Variants in NEK4 observed in about 807,000 individuals in gnomAD.
NEK4 encodes NIMA related kinase 4.
NEK4 carries 86 observed loss-of-function variants against 98.4 expected under a neutral mutation model. That is an observed-to-expected ratio of 0.87 (90% CI 0.73 to 1.05). The LOEUF (loss-of-function observed/expected upper bound fraction) is 1.05, where lower values mean the gene tolerates loss of function less well. NEK4 is among the 50% of genes least tolerant of loss of function. NEK4 has a pLI of 0.00. For synonymous variants in NEK4, 328 were observed against 342.2 expected, an observed-to-expected ratio of 0.96 and a Z score of 0.46; for missense variants, 898 against 950.3, an observed-to-expected ratio of 0.94 and a Z score of 0.72.
chr3:52,720,108 C>T (rs1048507704), intron 15 of NEK4, among the ~76,000 whole-genome samples: 1 of 152,030 alleles, frequency 6.6e-6, no homozygotes, highest in Non-Finnish European at 1.5e-5. Flanking sequence ...CATGGTGAAC[C>T]CCCGTCTCTA....
At chr3:52,740,497 CAG>C in intron 13 of NEK4, among the ~76,000 whole-genome samples, 1 of 152,082 alleles carries the variant, frequency 6.6e-6, no homozygotes, top group Non-Finnish European at 1.5e-5. Context: ...AAATGTGAAA[CAG>C]AAAAAAAGTA....
At chr3:52,711,914 A>G (rs772526343) in intron 15 of NEK4, 45 bp from the exon 16 acceptor site, 7 of 1,091,886 alleles carry the variant, frequency 6.4e-6, no homozygotes, top group Middle Eastern at 2.0e-4. Context: ...GTAGTAGGAA[A>G]AAATATTTCT....
chr3:52,743,471 CA>C lies in NEK4; in HGVS notation c.1895-11del. ...TTCCTCACTGAAGGGCCTGAAAAGG[CA>C]AACATCCCCAGTAGTTGTTTGTGGT... On this transcript the variant is annotated splice_polypyrimidine_tract_variant and intron_variant, in intron 11 of 15. Transcript: ENST00000233027. 1 of 1,605,378 alleles carries C rather than the reference CA, an allele frequency of 6.2e-7. No homozygotes were observed. The highest frequency in any genetic ancestry group is 8.5e-7 in the Non-Finnish European group (1 of 1,172,196).
At chr3:52,767,907 AAAAT>A (rs1358532734) in intron 2 of NEK4, among the ~76,000 whole-genome samples, 2 of 152,218 alleles carry the variant, frequency 1.3e-5, no homozygotes, top group African/African-American at 4.8e-5. Flanking sequence ...CCAATTCTAA[AAAAT>A]AAAAAAAAGA....
intron 12 of NEK4, among the ~76,000 whole-genome samples, chr3:52,742,734 G>A (rs1302582093): frequency 1.3e-5 from 2 of 152,162 alleles, no homozygotes; most frequent in Admixed American, 1.3e-4. Context: ...ACAGCAGATT[G>A]AGCAAAGTGC....
At position 52,735,794 on chromosome 3, in the gene NEK4, A is replaced by G. The variant is rs527347068; in HGVS notation, c.2433+1792T>C. Among the ~76,000 whole-genome samples the G allele has an allele frequency of 5.9e-5, 9 of 152,388 alleles. No homozygotes were observed. In the South Asian group the frequency reaches 1.7e-3, roughly 28 times the overall value. On this transcript the variant is annotated intron_variant, in intron 15 of 15. Transcript: ENST00000233027. ...AGGTGTGCCAATAAAAAGAATTTAC[A>G]TGATAAGTTAACAAGGATCAGGAAA...
At chr3:52,743,716 A>G (rs1412229010) in intron 11 of NEK4, among the ~76,000 whole-genome samples, 1 of 152,236 alleles carries the variant, frequency 6.6e-6, no homozygotes, top group Non-Finnish European at 1.5e-5. Flanking sequence ...ATAATGCTGC[A>G]TATTTTGGCA....
Position 52,737,606 on chromosome 3 carries a change from C to T in NEK4, c.2413G>A (p.Glu805Lys). ...CTCACCTCTCTATCAAATTCATCCT[C>T]CTCCTCCAAAAGATCATACACCTGC... Reference protein sequence around the residue: ...LEQVYDLLEEEDEFDREVRLR... With the variant: ...LEQVYDLLEEKDEFDREVRLR... Residue 805 changes from glutamate (E) to lysine (K), a missense_variant, in exon 15 of 16, where the codon GAG (glutamate) becomes AAG (lysine). Transcript: ENST00000233027. 1 of 1,613,974 alleles carries T rather than the reference C, an allele frequency of 6.2e-7. No individual in the cohort carries two copies. The highest frequency in any genetic ancestry group is 1.7e-4 in the Middle Eastern group (1 of 6,060).
At chr3:52,725,254 G>C (rs916263079) in intron 15 of NEK4, among the ~76,000 whole-genome samples, 4 of 152,214 alleles carry the variant, frequency 2.6e-5, no homozygotes, top group African/African-American at 9.7e-5. Flanking sequence ...GCTCACGCCT[G>C]TAATCCCAGC....
chr3:52,760,896 A>T lies in NEK4; in HGVS notation c.862T>A (p.Ser288Thr). ...GAAACCACTGTAGCAAAAGGCTTGG[A>T]TTGAGAGTCACCATTTTTAATGTTA... ...KNNIKNGDSQ[S>T]KPFATVVSGE... The change falls in exon 6 of 16, where the codon TCC (serine) becomes ACC (threonine). Residue 288 changes from serine (S) to threonine (T), a missense_variant. Coordinates refer to ENST00000233027, the MANE Select transcript of NEK4 (RefSeq NM_003157.6). The T allele has an allele frequency of 2.5e-6, 4 of 1,594,702 alleles. No individual in the cohort carries two copies. Among genetic ancestry groups the T allele is most frequent in the Non-Finnish European group, 3.4e-6 (4 of 1,170,820 alleles).
At chr3:52,737,543 T>G in intron 15 of NEK4, 43 bp downstream of exon 15, 2 of 1,603,330 alleles carry the variant, frequency 1.2e-6, no homozygotes, top group Non-Finnish European at 1.7e-6. Flanking sequence ...GTTTAAAAAA[T>G]TCTATAACAT....
intron 15 of NEK4, among the ~76,000 whole-genome samples, chr3:52,728,755 T>A (rs934029998): frequency 6.6e-6 from 1 of 152,202 alleles, no homozygotes; most frequent in Non-Finnish European, 1.5e-5. Flanking sequence ...AAGATATCAC[T>A]AAATTCTTTT....
At chr3:52,755,451 T>C (rs1318014285) in intron 6 of NEK4, among the ~76,000 whole-genome samples, 2 of 151,894 alleles carry the variant, frequency 1.3e-5, no homozygotes, top group African/African-American at 2.4e-5. Context: ...TCAACACCCT[T>C]ATGTGATGAT....
intron 6 of NEK4, among the ~76,000 whole-genome samples, chr3:52,759,605 C>T (rs937865670): frequency 6.6e-6 from 1 of 152,098 alleles, no homozygotes; most frequent in East Asian, 1.9e-4. Flanking sequence ...TGTGGAGAAA[C>T]TGGAACTCTT....
chr3:52,746,993 G>GT, intron 8 of NEK4, 89 bp from the exon 9 acceptor site: 1 of 1,006,912 alleles, frequency 9.9e-7, no homozygotes, highest in Non-Finnish European at 1.5e-6. Context: ...AGTGGCTTTT[G>GT]TTTTTTAGCA....
chr3:52,731,471 G>C (rs1316716182), intron 15 of NEK4, among the ~76,000 whole-genome samples: 1 of 152,188 alleles, frequency 6.6e-6, no homozygotes, highest in African/African-American at 2.4e-5. Flanking sequence ...TAGATATATA[G>C]ATCAGCGGAA....
chr3:52,714,956 T>C (rs536796956), intron 15 of NEK4, among the ~76,000 whole-genome samples: 1 of 152,144 alleles, frequency 6.6e-6, no homozygotes, highest in Non-Finnish European at 1.5e-5. Flanking sequence ...ATGGGGAAAG[T>C]AAGCTGAGGG....
intron 8 of NEK4, 94 bp from the exon 9 acceptor site, chr3:52,746,998 T>A: frequency 1.0e-6 from 1 of 976,124 alleles, no homozygotes. Context: ...CTTTTGTTTT[T>A]TAGCATGAAA....
intron 12 of NEK4, among the ~76,000 whole-genome samples, chr3:52,742,244 C>CT (rs1426218334): frequency 6.9e-5 from 10 of 144,082 alleles, no homozygotes; most frequent in African/African-American, 1.8e-4. Flanking sequence ...TTTTTTTTTT[C>CT]TTTTTTTTGG....
Sources: allele counts gnomAD v4.1 joint callset (sites outside exome capture counted in the v4.1 genomes callset), GRCh38; gene constraint gnomAD v4.1.1; transcripts MANE v1.5; gene names NCBI Gene and HGNC (gene_info 2026-07-23, HGNC 2026-07-21).